ACSF2: variants seen among roughly 807,000 people sequenced by gnomAD.
ACSF2 encodes the protein acyl-CoA synthetase family member 2.
Under a neutral mutation model 79.3 loss-of-function variants are expected in ACSF2, and 52 were observed. That is an observed-to-expected ratio of 0.66 (90% CI 0.53 to 0.83). ACSF2 has a LOEUF of 0.83. Among genes scored for constraint, ACSF2 ranks in the 40% least tolerant of loss-of-function variants. The probability of loss-of-function intolerance (pLI) is 0.00; values close to 1 mark genes in which losing one functional copy is unlikely to be tolerated. For synonymous variants in ACSF2, 283 were observed against 312.6 expected, an observed-to-expected ratio of 0.91 and a Z score of 1.00; for missense variants, 661 against 803.3, an observed-to-expected ratio of 0.82 and a Z score of 2.14.
Position 50,463,439 on chromosome 17 carries a change from T to C in ACSF2, c.933T>C (p.His311=), listed in dbSNP as rs200547352. The part of the protein sequence containing the change: ...LRMILPNPLY[H]CLGSVAGTMM... ...TGATCCTGCCCAACCCCCTGTACCA[T>C]TGCCTGGGTTCCGTGGCAGGCACAA... The change falls in exon 8 of 16, where the codon CAT becomes CAC. Residue 311 remains histidine, a synonymous_variant. Coordinates refer to ENST00000300441, the MANE Select transcript of ACSF2 (RefSeq NM_025149.6). This position sits in a 1 kb window ranked among gnomAD's most constrained non-coding sequence, Gnocchi z 4.6. 2 of 1,614,066 alleles carry C rather than the reference T, an allele frequency of 1.2e-6. No individual in the cohort carries two copies. Among genetic ancestry groups the C allele is most frequent in the Non-Finnish European group, 1.7e-6 (2 of 1,180,008 alleles).
rs559689385 is a variant in ACSF2 at position 50,471,312 on chromosome 17, A to G, written c.1323+177A>G. 8.5e-6 allele frequency: 5 copies of G among 589,726 alleles called. No homozygotes were observed. Among genetic ancestry groups the G allele is most frequent in the South Asian group, 7.9e-5 (4 of 50,616 alleles). The allele number at this position is 589,726 out of a possible 1,614,324, so 36.5% of individuals were successfully genotyped here. ...CCGGAGTGTTCTCTGTGGGCTAAGC[A>G]TGAAAGGGGAAGAGCTGGAACAGTG... is the stretch of plus-strand genomic sequence containing the variant. On this transcript the variant is annotated intron_variant, in intron 11 of 15. Coordinates refer to ENST00000300441, the MANE Select transcript of ACSF2 (RefSeq NM_025149.6). The surrounding 1 kb of genome is among the most constrained non-coding windows in gnomAD (Gnocchi z 4.1).
At chr17:50,467,032 G>A (rs1007338829) in intron 10 of ACSF2, among the ~76,000 whole-genome samples, 1 of 152,184 alleles carries the variant, frequency 6.6e-6, no homozygotes, top group Non-Finnish European at 1.5e-5. Context: ...CCACATTGAG[G>A]TATGAAGGTC....
intron 11 of ACSF2, 89 bp from the exon 12 acceptor site, chr17:50,472,339 G>T: frequency 6.7e-7 from 1 of 1,489,566 alleles, no homozygotes; most frequent in Non-Finnish European, 8.9e-7. Flanking sequence ...TGGGGGGTTG[G>T]GGGCAGGCAA....
intron 1 of ACSF2, among the ~76,000 whole-genome samples, chr17:50,456,135 C>CAGGAAAAGTTTG (rs1407134071): frequency 6.6e-6 from 1 of 152,194 alleles, no homozygotes; most frequent in Non-Finnish European, 1.5e-5. Flanking sequence ...TGAACAGCTT[C>CAGGAAAAGTTTG]AAACTTTTCC....
intron 1 of ACSF2, 62 bp from the exon 2 acceptor site, chr17:50,460,615 A>G: frequency 6.6e-7 from 1 of 1,504,454 alleles, no homozygotes; most frequent in South Asian, 1.2e-5. Flanking sequence ...TGGGTGTGCC[A>G]TGCCCTTGGT....
At chr17:50,441,231 AC>A (rs1283468777) in intron 1 of ACSF2, among the ~76,000 whole-genome samples, 7 of 152,254 alleles carry the variant, frequency 4.6e-5, no homozygotes, top group African/African-American at 1.4e-4. Flanking sequence ...GTGCAGTGGC[AC>A]GATGTCGGCT....
Position 50,471,044 on chromosome 17 carries a change from C to T in ACSF2, c.1232C>T (p.Thr411Ile). The change falls in exon 11 of 16, where the codon ACA becomes ATA. Residue 411 changes from threonine to isoleucine, a missense_variant. By Grantham distance (89) the Thr-to-Ile change is moderately conservative. Coordinates refer to ENST00000300441, the MANE Select transcript of ACSF2 (RefSeq NM_025149.6). The surrounding 1 kb of genome is among the most constrained non-coding windows in gnomAD (Gnocchi z 4.1). ...ACCCTCTAGGTTGCTTATGGAACCA[C>T]AGAGAACAGTCCCGTGACATTCGCG... ...MKDLVVAYGT[T>I]ENSPVTFAHF... is the part of the protein sequence containing the mutation. 2 of 1,614,084 alleles carry T rather than the reference C, an allele frequency of 1.2e-6. No homozygotes were observed. The highest frequency in any genetic ancestry group is 1.7e-6 in the Non-Finnish European group (2 of 1,179,960).
Position 50,471,082 on chromosome 17 carries a change from G to A in ACSF2, c.1270G>A (p.Asp424Asn). The A allele has an allele frequency of 6.2e-7, 1 of 1,614,050 alleles. No homozygotes were observed. The highest frequency in any genetic ancestry group is 1.1e-5 in the South Asian group (1 of 91,052). The change falls in exon 11 of 16, where the codon GAC becomes AAC. Residue 424 changes from aspartate (D) to asparagine (N), a missense_variant. By Grantham distance (23) the Asp-to-Asn change is conservative (BLOSUM62 1). Transcript: ENST00000300441. The surrounding 1 kb of genome is among the most constrained non-coding windows in gnomAD (Gnocchi z 4.1). ...SPVTFAHFPE[D>N]TVEQKAESVG... ...CGTGACATTCGCGCACTTCCCTGAG[G>A]ACACTGTGGAGCAGAAGGCAGAAAG... is the stretch of plus-strand genomic sequence containing the variant.
chr17:50,440,950 G>A (rs934564730), intron 1 of ACSF2, among the ~76,000 whole-genome samples: 5 of 152,258 alleles, frequency 3.3e-5, no homozygotes, highest in Non-Finnish European at 7.3e-5. Context: ...GGACTGCCAA[G>A]TGGGAGGCCT....
rs2032336764 is a variant in ACSF2, at chr17:50,461,675, G to A, written c.496G>A (p.Val166Ile). The change falls in exon 4 of 16, where the codon GTC becomes ATC. Residue 166 changes from valine (V) to isoleucine (I), a missense_variant. Coordinates refer to ENST00000300441, the MANE Select transcript of ACSF2 (RefSeq NM_025149.6). ...PAYQAMELEY[V>I]LKKVGCKALV... ...CTACCAGGCTATGGAACTGGAGTAT[G>A]TCCTCAAGAAGGTACAGCTCATTTG... The A allele has an allele frequency of 5.0e-6, 8 of 1,614,044 alleles. No homozygotes were observed. The highest frequency in any genetic ancestry group is 3.3e-5 in the South Asian group (3 of 91,090).
rs183107155 is a variant in ACSF2 at position 50,433,589 on chromosome 17, C to G, written c.128+7200C>G. On this transcript the variant is annotated intron_variant, in intron 1 of 15. Coordinates refer to ENST00000300441, the MANE Select transcript of ACSF2 (RefSeq NM_025149.6). ...GGCACTCTTCTCCTGGGGTCTCTGT[C>G]CAGCTATTCCAAAAGAAAACCTGCA... Among the ~76,000 whole-genome samples the G allele has an allele frequency of 5.9e-5, 9 of 152,286 alleles. 1 individual carries two copies. The highest frequency in any genetic ancestry group is 4.6e-4 in the Admixed American group (7 of 15,302).
chr17:50,452,285 A>G (rs1395765308), intron 1 of ACSF2, among the ~76,000 whole-genome samples: 1 of 151,964 alleles, frequency 6.6e-6, no homozygotes, highest in Non-Finnish European at 1.5e-5. Context: ...TAAGCTTCCC[A>G]TGTCGCATTG....
chr17:50,467,489 C>T (rs937864644), intron 10 of ACSF2, among the ~76,000 whole-genome samples: 1 of 152,192 alleles, frequency 6.6e-6, no homozygotes, highest in African/African-American at 2.4e-5. Context: ...CCACCAGGGC[C>T]TCTATGGGGC....
chr17:50,428,685 G>A (rs1915248476), intron 1 of ACSF2, among the ~76,000 whole-genome samples: 7 of 152,022 alleles, frequency 4.6e-5, no homozygotes, highest in Admixed American at 4.6e-4. Context: ...GGGAGGCTGA[G>A]GCAGGAGAAT....
intron 1 of ACSF2, among the ~76,000 whole-genome samples, chr17:50,456,461 G>C (rs1275924297): frequency 1.3e-5 from 2 of 152,136 alleles, no homozygotes; most frequent in Admixed American, 1.3e-4. Context: ...GGCCGGGCGC[G>C]GTGGCTCACA....
In ACSF2 at chr17:50,474,153, G is replaced by T; in HGVS notation, c.1729-46G>T. ...CCTGGTCCCCTACCCATACCCCTGT[G>T]AGCTTGCGCAGCCTCACGCCTTACC... On this transcript the variant is annotated intron_variant, in intron 14 of 15. Coordinates refer to ENST00000300441, the MANE Select transcript of ACSF2 (RefSeq NM_025149.6). This position sits in a 1 kb window ranked among gnomAD's most constrained non-coding sequence, Gnocchi z 4.2. 3 of 1,611,772 alleles carry T rather than the reference G, an allele frequency of 1.9e-6. No homozygotes were observed. Among genetic ancestry groups the T allele is most frequent in the Non-Finnish European group, 2.5e-6 (3 of 1,177,834 alleles).
chr17:50,471,026 A>T lies in ACSF2; in HGVS notation c.1216-2A>T. The T allele has an allele frequency of 6.2e-7, 1 of 1,612,676 alleles. No individual in the cohort carries two copies. On this transcript the variant is annotated splice_acceptor_variant, in intron 10 of 15. Coordinates refer to ENST00000300441, the MANE Select transcript of ACSF2 (RefSeq NM_025149.6). LOFTEE classifies it high-confidence loss of function. The surrounding 1 kb of genome is among the most constrained non-coding windows in gnomAD (Gnocchi z 4.1). ...TTCAAACACCCTTTCTGGACCCTCT[A>T]GGTTGCTTATGGAACCACAGAGAAC... is the stretch of plus-strand genomic sequence containing the variant.
At chr17:50,445,885 A>G (rs184830831) in intron 1 of ACSF2, among the ~76,000 whole-genome samples, 1 of 152,260 alleles carries the variant, frequency 6.6e-6, no homozygotes. Flanking sequence ...TTCTAAATGA[A>G]CAACTATGCA....
chr17:50,451,661 G>A (rs1279535786), intron 1 of ACSF2, among the ~76,000 whole-genome samples: 1 of 152,196 alleles, frequency 6.6e-6, no homozygotes, highest in Non-Finnish European at 1.5e-5. Context: ...TATTGGCCAG[G>A]CTGACCTCGA....
Sources: allele counts gnomAD v4.1 joint callset (sites outside exome capture counted in the v4.1 genomes callset), GRCh38; gene constraint gnomAD v4.1.1; non-coding constraint Gnocchi (gnomAD v3.1); transcripts MANE v1.5; gene names NCBI Gene and HGNC (gene_info 2026-07-23, HGNC 2026-07-21).